The following GOLGA6L26 variants were observed in gnomAD, a reference collection of about 807,000 sequenced individuals.
GOLGA6L26 encodes the protein golgin subfamily A member 6-like protein 26.
chr15:23,332,430 C>CT, the GOLGA6L26 span: 1 of 1,345,394 alleles, frequency 7.4e-7, no homozygotes, highest in South Asian at 1.3e-5. Context: ...TCACATCCTG[C>CT]TTTACAGTTT....
chr15:23,334,154 G>A, the GOLGA6L26 span: 297 of 551,830 alleles, frequency 5.4e-4, 32 homozygotes, highest in South Asian at 6.4e-3. Flanking sequence ...TCCAGGTGAG[G>A]ACAAGTATAT....
chr15:23,328,342 C>G, the GOLGA6L26 span, among the ~76,000 whole-genome samples: 2 of 20,714 alleles, frequency 9.7e-5, no homozygotes, highest in African/African-American at 1.6e-4. Context: ...CAGTGAAACC[C>G]CGTCTCTACT....
chr15:23,333,912 G>C, the GOLGA6L26 span: 1 of 86,206 alleles, frequency 1.2e-5, no homozygotes, highest in South Asian at 4.2e-5. Flanking sequence ...GAGGCACTGG[G>C]GTGGGGGGCC....
At chr15:23,334,062 A>G in the GOLGA6L26 span, 6 of 474,520 alleles carry the variant, frequency 1.3e-5, no homozygotes, top group East Asian at 5.7e-5. Flanking sequence ...TTCTTTGGAC[A>G]TCATAGGATG....
the GOLGA6L26 span, among the ~76,000 whole-genome samples, chr15:23,329,107 CAT>C: frequency 1.0e-5 from 1 of 100,322 alleles, no homozygotes; most frequent in Admixed American, 9.7e-5. Flanking sequence ...AGAGAGAAGA[CAT>C]GAGTTGCCTG....
chr15:23,327,156 G>C, the GOLGA6L26 span: 1 of 175,312 alleles, frequency 5.7e-6, no homozygotes, highest in Non-Finnish European at 1.1e-5. Context: ...TCCTGCTCTC[G>C]TATCTTCTCC....
chr15:23,334,073 G>A, the GOLGA6L26 span: 3 of 508,400 alleles, frequency 5.9e-6, no homozygotes, highest in Non-Finnish European at 9.1e-6. Context: ...TCATAGGATG[G>A]GTAGGGAGGT....
the GOLGA6L26 span, chr15:23,334,145 C>T: frequency 1.3e-6 from 1 of 745,236 alleles, no homozygotes; most frequent in South Asian, 2.0e-5. Context: ...TCAGCATGAT[C>T]CAGGTGAGGA....
the GOLGA6L26 span, chr15:23,327,723 G>A: frequency 1.6e-5 from 1 of 63,040 alleles, no homozygotes; most frequent in Non-Finnish European, 2.8e-5. Context: ...TCCTGCTCGC[G>A]TATCTTCTCC....
the GOLGA6L26 span, chr15:23,332,394 CT>C: frequency 8.3e-7 from 1 of 1,199,190 alleles, no homozygotes; most frequent in Non-Finnish European, 1.1e-6. Context: ...AGCAGTGATA[CT>C]CATGAGAACT....
the GOLGA6L26 span, chr15:23,327,406 T>A: frequency 2.8e-6 from 1 of 352,264 alleles, no homozygotes; most frequent in Non-Finnish European, 5.1e-6. Context: ...CCTGCTCCCG[T>A]ATCTTCTCCT....
the GOLGA6L26 span, among the ~76,000 whole-genome samples, chr15:23,329,518 CTTTCTTTTTT>C: frequency 1.1e-4 from 1 of 9,372 alleles, no homozygotes; most frequent in Admixed American, 1.4e-3. Context: ...TTCTTTCTTT[CTTTCTTTTTT>C]TTTTTTTTTT....
At chr15:23,327,424 G>A in the GOLGA6L26 span, 109 of 354,624 alleles carry the variant, frequency 3.1e-4, 14 homozygotes, top group African/African-American at 1.6e-3. Context: ...CCTCCTGGTC[G>A]TGCATCTTCT....
At chr15:23,333,926 C>A in the GOLGA6L26 span, 2 of 84,458 alleles carry the variant, frequency 2.4e-5, no homozygotes, top group South Asian at 8.5e-5. Flanking sequence ...GGGGGCCCAG[C>A]CTGGTGTCCC....
At chr15:23,327,415 C>G in the GOLGA6L26 span, 2 of 492,956 alleles carry the variant, frequency 4.1e-6, no homozygotes, top group East Asian at 6.2e-5. Context: ...GTATCTTCTC[C>G]TCCTGGTCGT....
chr15:23,332,378 AG>A, the GOLGA6L26 span: 20 of 1,067,934 alleles, frequency 1.9e-5, no homozygotes, highest in Non-Finnish European at 2.6e-5. Flanking sequence ...AACTGTGGAA[AG>A]GAAGAGCAGT....
At chr15:23,331,353 G>A in the GOLGA6L26 span, among the ~76,000 whole-genome samples, 7 of 149,338 alleles carry the variant, frequency 4.7e-5, no homozygotes, top group African/African-American at 1.5e-4. Flanking sequence ...TGAGCCTGGG[G>A]CCTCTACATC....
At chr15:23,327,316 C>T in the GOLGA6L26 span, 222 of 949,260 alleles carry the variant, frequency 2.3e-4, 22 homozygotes, top group African/African-American at 5.4e-3. Flanking sequence ...TCTCCTCCTG[C>T]TCCCGTATCT....
chr15:23,327,430 C>T, the GOLGA6L26 span: 1 of 458,322 alleles, frequency 2.2e-6, no homozygotes, highest in African/African-American at 6.3e-5. Flanking sequence ...GGTCGTGCAT[C>T]TTCTCCTCCT....
Sources: gnomAD v4.1 joint callset for allele counts (sites outside exome capture counted in the v4.1 genomes callset) on GRCh38, gnomAD v4.1.1 for gene constraint, MANE v1.5 for transcripts, NCBI Gene and HGNC (gene_info 2026-07-23, HGNC 2026-07-21) for gene names.